The following CCNT1 variants were observed in gnomAD, a reference collection of about 807,000 sequenced individuals.
CCNT1 encodes the protein cyclin T1, also known as cyclin-T1.
A neutral mutation model predicts 67.3 loss-of-function variants in CCNT1; 18 were observed. The observed-to-expected ratio is 0.27, with a 90% CI of 0.18 to 0.40. The LOEUF (loss-of-function observed/expected upper bound fraction) is 0.40, where lower values mean the gene tolerates loss of function less well. Among genes scored for constraint, CCNT1 ranks in the 10% least tolerant of loss-of-function variants. The pLI is 1.00. For synonymous variants in CCNT1, 333 were observed against 310.3 expected, an observed-to-expected ratio of 1.07 and a Z score of -0.77; for missense variants, 744 against 884.9, an observed-to-expected ratio of 0.84 and a Z score of 2.02.
In CCNT1 at chr12:48,700,779, G is replaced by A. The variant is rs545212048; in HGVS notation, c.433+234C>T. Reference sequence around the variant, plus strand: ...AAAACTTAAAAAGCAAATAACCCTAGAATGAAAAAAATAATAACCCACTGG... The same window carrying A: ...AAAACTTAAAAAGCAAATAACCCTAAAATGAAAAAAATAATAACCCACTGG... On this transcript the variant is annotated intron_variant, in intron 4 of 8. Coordinates refer to ENST00000261900, the MANE Select transcript of CCNT1 (RefSeq NM_001240.4). Among the ~76,000 whole-genome samples the A allele has an allele frequency of 2.6e-5, 4 of 152,100 alleles. No individual in the cohort carries two copies. In the South Asian group the frequency reaches 8.3e-4, roughly 32 times the overall value.
chr12:48,694,343 A>C lies in CCNT1; in HGVS notation c.871T>G (p.Ser291Ala). The C allele has an allele frequency of 6.2e-7, 1 of 1,614,176 alleles. No individual in the cohort carries two copies. The highest frequency in any genetic ancestry group is 8.5e-7 in the Non-Finnish European group (1 of 1,180,014). Reference protein sequence around the residue: ...QTILNMISQSSSDTTIAGLMS... With the variant: ...QTILNMISQSASDTTIAGLMS... ...AAACCTGCAATGGTTGTGTCTGAAG[A>C]GCTCTGGGAAATCATATTGAGGATT... is the stretch of plus-strand genomic sequence containing the variant. Residue 291 changes from serine to alanine, a missense_variant, in exon 9 of 9, where the codon TCT becomes GCT. By Grantham distance (99) the Ser-to-Ala change is moderately conservative. This residue lies in a region of CCNT1 where 564 missense variants were observed against 574.2 expected (regional missense o/e 0.98). Coordinates refer to ENST00000261900, the MANE Select transcript of CCNT1 (RefSeq NM_001240.4).
chr12:48,698,715 T>A (rs1174869491), intron 5 of CCNT1, among the ~76,000 whole-genome samples: 2 of 152,202 alleles, frequency 1.3e-5, no homozygotes, highest in Non-Finnish European at 2.9e-5. Flanking sequence ...CCCAGCACTT[T>A]GGGACGCCGA....
At chr12:48,711,295 G>A (rs1235276308) in intron 2 of CCNT1, among the ~76,000 whole-genome samples, 5 of 151,854 alleles carry the variant, frequency 3.3e-5, no homozygotes, top group Non-Finnish European at 7.4e-5. Flanking sequence ...CAGGAGAATC[G>A]CTTGAACCTG....
rs1698637743 is a variant in CCNT1, at chr12:48,705,872, G to C, written c.268C>G (p.Leu90Val). ...GNSVAPAALF[L>V]AAKVEEQPKK... ...GGCTGCTCCTCCACTTTAGCTGCTA[G>C]AAACAAGGCTGCTGGAGCCACAGAC... The change falls in exon 3 of 9, where the codon CTA becomes GTA. Residue 90 changes from leucine (L) to valine (V), a missense_variant. By Grantham distance (32) the Leu-to-Val change is conservative. Transcript: ENST00000261900. 1 of 1,613,464 alleles carries C rather than the reference G, an allele frequency of 6.2e-7. No homozygotes were observed. The highest frequency in any genetic ancestry group is 8.5e-7 in the Non-Finnish European group (1 of 1,179,782).
rs540368918 is a variant in CCNT1 at position 48,709,528 on chromosome 12, C to T, written c.244-3632G>A. On this transcript the variant is annotated intron_variant, in intron 2 of 8. Transcript: ENST00000261900. Reference sequence around the variant, plus strand: ...ACAATATAATAAACTAGAACAACAACCCAAATAGCTATCAATAAAAAGCTG... The same window carrying T: ...ACAATATAATAAACTAGAACAACAATCCAAATAGCTATCAATAAAAAGCTG... Among the ~76,000 whole-genome samples the T allele has an allele frequency of 1.3e-5, 2 of 152,188 alleles. 1 individual carries two copies. Among genetic ancestry groups the T allele is most frequent in the South Asian group, 4.1e-4 (2 of 4,828 alleles).
intron 2 of CCNT1, among the ~76,000 whole-genome samples, chr12:48,709,567 C>T (rs922198578): frequency 3.3e-5 from 5 of 152,136 alleles, no homozygotes; most frequent in Non-Finnish European, 1.5e-5. Flanking sequence ...AAATAAACTA[C>T]AGTAACTACA....
rs942251742 is a variant in CCNT1, at chr12:48,689,699, C to T, written c.*3334G>A. 3.9e-5 allele frequency: 6 copies of T among 152,080 alleles called. No individual in the cohort carries two copies. The highest frequency in any genetic ancestry group is 1.4e-4 in the African/African-American group (6 of 41,408). The allele number at this position is 152,080 out of a possible 1,614,324, so 9.4% of individuals were successfully genotyped here. A position where few individuals can be genotyped will look rare whatever the true frequency, so the allele number is the denominator to read the frequency against. On this transcript the variant is annotated 3_prime_UTR_variant, in exon 9 of 9. Coordinates refer to ENST00000261900, the MANE Select transcript of CCNT1 (RefSeq NM_001240.4). ...AAATATTAATCAGTTCCCAAAATAACGGAAACACAGATATGTTTAAAATCC... is the reference window on the plus strand; with the variant it reads ...AAATATTAATCAGTTCCCAAAATAATGGAAACACAGATATGTTTAAAATCC...
chr12:48,695,449 A>G (rs1940152953), intron 8 of CCNT1, among the ~76,000 whole-genome samples: 1 of 152,230 alleles, frequency 6.6e-6, no homozygotes, highest in African/African-American at 2.4e-5. Flanking sequence ...TGCCTCTACC[A>G]GAAGCCAATA....
At chr12:48,708,822 T>C (rs756867658) in intron 2 of CCNT1, among the ~76,000 whole-genome samples, 3 of 152,056 alleles carry the variant, frequency 2.0e-5, no homozygotes, top group Non-Finnish European at 2.9e-5. Context: ...CAAGACTTTA[T>C]AGGCTGGGTG....
rs902172458 is a variant in CCNT1, at chr12:48,690,829, T to C, written c.*2204A>G. ...TGATTAGAAAATATGTGACATTTGA[T>C]GAGAGTAACTAAAAGCTGGAAAAGA... On this transcript the variant is annotated 3_prime_UTR_variant, in exon 9 of 9. Coordinates refer to ENST00000261900, the MANE Select transcript of CCNT1 (RefSeq NM_001240.4). 2.0e-5 allele frequency: 3 copies of C among 152,154 alleles called. No individual in the cohort carries two copies. The South Asian group carries it at 6.2e-4, about 32-fold the overall frequency. 9.4% of individuals were successfully genotyped at this position (152,154 alleles called of 1,614,324 possible).
At chr12:48,705,651 C>G (rs763196209) in intron 3 of CCNT1, 117 bp downstream of exon 3, 23 of 797,922 alleles carry the variant, frequency 2.9e-5, no homozygotes, top group Non-Finnish European at 4.0e-5. Flanking sequence ...TTCAATAAAT[C>G]GAAGTTATAA....
chr12:48,700,329 A>G lies in CCNT1; in HGVS notation c.434-489T>C, dbSNP rs534687322. Among the ~76,000 whole-genome samples, 33 of 151,634 alleles carry G rather than the reference A, an allele frequency of 2.2e-4. 1 individual carries two copies. The highest frequency in any genetic ancestry group is 5.6e-4 in the African/African-American group (23 of 41,414). Reference sequence around the variant, plus strand: ...GCAAGACTCCGTCTCAAAAAAAAAAAAAAAAGAAAAAGAAAAAAGTTAACT... The same window carrying G: ...GCAAGACTCCGTCTCAAAAAAAAAAGAAAAAGAAAAAGAAAAAAGTTAACT... On this transcript the variant is annotated intron_variant, in intron 4 of 8. Transcript: ENST00000261900.
At chr12:48,697,603 G>C (rs1198642818) in intron 6 of CCNT1, among the ~76,000 whole-genome samples, 1 of 146,386 alleles carries the variant, frequency 6.8e-6, no homozygotes, top group East Asian at 2.0e-4. Context: ...GGCAGATCAC[G>C]AGGTCAGGAG....
chr12:48,702,940 G>T (rs1940294977), intron 3 of CCNT1, among the ~76,000 whole-genome samples: 1 of 151,934 alleles, frequency 6.6e-6, no homozygotes, highest in East Asian at 1.9e-4. Context: ...GGGTAACATG[G>T]TAAGACCCCT....
rs1273145348 is a variant in CCNT1, at chr12:48,692,989, G to A, written c.*44C>T. The A allele has an allele frequency of 1.2e-5, 14 of 1,207,702 alleles. No homozygotes were observed. Among genetic ancestry groups the A allele is most frequent in the African/African-American group, 3.1e-5 (2 of 64,618 alleles). 74.8% of individuals were successfully genotyped at this position (1,207,702 alleles called of 1,614,324 possible). ...TCCAAAAAAAAAAAAGAAAAATTATGTGTTTTTTTAAAGAAGTTTTTTTCT... is the reference window on the plus strand; with the variant it reads ...TCCAAAAAAAAAAAAGAAAAATTATATGTTTTTTTAAAGAAGTTTTTTTCT... On this transcript the variant is annotated 3_prime_UTR_variant, in exon 9 of 9. Coordinates refer to ENST00000261900, the MANE Select transcript of CCNT1 (RefSeq NM_001240.4).
intron 6 of CCNT1, among the ~76,000 whole-genome samples, chr12:48,697,532 A>T (rs1283223225): frequency 9.5e-4 from 113 of 119,156 alleles, no homozygotes; most frequent in African/African-American, 3.2e-3. Flanking sequence ...TAAAAAAAAA[A>T]AAATATATAT....
intron 6 of CCNT1, among the ~76,000 whole-genome samples, chr12:48,697,534 A>AAAAAT (rs1288926072): frequency 7.7e-6 from 1 of 130,710 alleles, no homozygotes; most frequent in African/African-American, 3.0e-5. Flanking sequence ...AAAAAAAAAA[A>AAAAAT]ATATATATAT....
At chr12:48,714,122 G>A (rs1940498444) in intron 2 of CCNT1, among the ~76,000 whole-genome samples, 1 of 152,110 alleles carries the variant, frequency 6.6e-6, no homozygotes, top group Non-Finnish European at 1.5e-5. Flanking sequence ...TGCCCAGGCT[G>A]GTTTTGAACT....
At chr12:48,710,140 A>C (rs28558394) in intron 2 of CCNT1, among the ~76,000 whole-genome samples, 9 of 151,704 alleles carry the variant, frequency 5.9e-5, no homozygotes, top group Admixed American at 5.3e-4. Context: ...GATCCACCCA[A>C]CTCGGCCTCC....
Sources: gnomAD v4.1 joint callset for allele counts (sites outside exome capture counted in the v4.1 genomes callset) on GRCh38, gnomAD v4.1.1 for gene constraint, gnomAD v4.1.1 regional missense constraint, MANE v1.5 for transcripts, NCBI Gene and HGNC (gene_info 2026-07-23, HGNC 2026-07-21) for gene names.